GRIK2: variants seen among roughly 807,000 people sequenced by gnomAD.
GRIK2 encodes glutamate receptor ionotropic, kainate 2.
GRIK2 carries 32 observed loss-of-function variants against 100.3 expected under a neutral mutation model. That is an observed-to-expected ratio of 0.32 (90% confidence interval 0.24 to 0.43). The LOEUF (loss-of-function observed/expected upper bound fraction) is 0.43. Among genes scored for constraint, GRIK2 ranks in the 20% least tolerant of loss-of-function variants. The pLI is 1.00. For synonymous variants in GRIK2, 417 were observed against 389.4 expected (o/e 1.07, Z -0.83); for missense variants, 843 against 1,114.9 (o/e 0.76, Z 3.47).
At chr6:101,649,729 G>A (rs779773050) in intron 4 of GRIK2, among the ~76,000 whole-genome samples, 33 of 152,114 alleles carry the variant, frequency 2.2e-4, no homozygotes, top group Admixed American at 3.9e-4. Context: ...GGCACCAGCA[G>A]TGTTACTGTG....
chr6:101,541,442 C>T (rs1318211188), intron 2 of GRIK2, among the ~76,000 whole-genome samples: 4 of 141,420 alleles, frequency 2.8e-5, no homozygotes, highest in Non-Finnish European at 4.6e-5. Context: ...CACCCTTATA[C>T]AAACCCAACC....
chr6:101,544,167 C>T (rs985599023), intron 2 of GRIK2, among the ~76,000 whole-genome samples: 1 of 152,098 alleles, frequency 6.6e-6, no homozygotes, highest in Non-Finnish European at 1.5e-5. Flanking sequence ...ATATCCCCTC[C>T]ATCCCCTTTT....
At chr6:101,662,165 T>C (rs1769674692) in intron 4 of GRIK2, among the ~76,000 whole-genome samples, 1 of 152,230 alleles carries the variant, frequency 6.6e-6, no homozygotes, top group Admixed American at 6.5e-5. Flanking sequence ...TCTAGAAATT[T>C]GGAATTGTGA....
intron 14 of GRIK2, 144 bp from the exon 15 acceptor site, chr6:102,035,197 A>ATG: frequency 5.0e-6 from 1 of 200,582 alleles, no homozygotes; most frequent in East Asian, 1.1e-4. Context: ...TTTTTGGTAT[A>ATG]TATATATATA....
At chr6:101,754,052 A>G (rs1349095387) in intron 7 of GRIK2, among the ~76,000 whole-genome samples, 5 of 152,086 alleles carry the variant, frequency 3.3e-5, no homozygotes, top group Admixed American at 3.3e-4. Flanking sequence ...GGAAGAAAAT[A>G]TCCAATTAAT....
chr6:101,447,736 A>C (rs1770459234), intron 2 of GRIK2, among the ~76,000 whole-genome samples: 1 of 151,582 alleles, frequency 6.6e-6, no homozygotes, highest in Non-Finnish European at 1.5e-5. Context: ...AAAGTCCATT[A>C]TTTTTTGGGG....
In GRIK2 at chr6:101,593,351, T is replaced by A. The variant is rs542182319; in HGVS notation, c.116-28598T>A. Among the ~76,000 whole-genome samples, 3 of 152,058 alleles carry A rather than the reference T, an allele frequency of 2.0e-5. No homozygotes were observed. The South Asian group carries it at 6.2e-4, about 32-fold the overall frequency. ...ACTATTTGTTTCATATATTCTGATC[T>A]TTAATAATTTGCTGTCGTGTAATGA... On this transcript the variant is annotated intron_variant, in intron 2 of 16. Coordinates refer to ENST00000369134, the MANE Select transcript of GRIK2 (RefSeq NM_021956.5).
At chr6:101,963,610 C>T (rs1792470261) in intron 14 of GRIK2, among the ~76,000 whole-genome samples, 1 of 150,290 alleles carries the variant, frequency 6.7e-6, no homozygotes. Context: ...CCTCGCCCTC[C>T]CAAAGTGCTG....
At chr6:101,879,270 A>C (rs1028510262) in intron 11 of GRIK2, among the ~76,000 whole-genome samples, 1 of 152,054 alleles carries the variant, frequency 6.6e-6, no homozygotes, top group African/African-American at 2.4e-5. Flanking sequence ...CTAATGCTTA[A>C]CCTATTTCCC....
At chr6:101,513,772 T>A (rs888374575) in intron 2 of GRIK2, among the ~76,000 whole-genome samples, 2 of 152,136 alleles carry the variant, frequency 1.3e-5, no homozygotes, top group African/African-American at 4.8e-5. Context: ...GTGAGAGAAA[T>A]GTTTATCCTT....
chr6:101,764,950 T>C (rs1777951287), intron 7 of GRIK2, among the ~76,000 whole-genome samples: 1 of 152,092 alleles, frequency 6.6e-6, no homozygotes, highest in South Asian at 2.1e-4. Flanking sequence ...ACTTATTACC[T>C]TCTCCAGCCT....
chr6:101,635,739 CAT>C (rs1209574188), intron 4 of GRIK2, among the ~76,000 whole-genome samples: 10 of 152,190 alleles, frequency 6.6e-5, no homozygotes, highest in South Asian at 2.1e-4. Context: ...GGCCAACAAA[CAT>C]ATGAAAAAAA....
chr6:101,719,078 A>C (rs1394858325), intron 7 of GRIK2, among the ~76,000 whole-genome samples: 1 of 150,418 alleles, frequency 6.6e-6, no homozygotes, highest in East Asian at 2.0e-4. Flanking sequence ...TGATGTTTTA[A>C]ATTTGAATAT....
chr6:101,860,892 T>C, intron 11 of GRIK2: 1 of 825,990 alleles, frequency 1.2e-6, no homozygotes, highest in South Asian at 5.5e-5. Context: ...TTCTCAGATA[T>C]TAGGAGAAAG....
chr6:102,005,949 C>T (rs1185934953), intron 14 of GRIK2, among the ~76,000 whole-genome samples: 1 of 151,870 alleles, frequency 6.6e-6, no homozygotes, highest in Non-Finnish European at 1.5e-5. Context: ...CACACGTGTC[C>T]CTAGTGTCTC....
In GRIK2 at chr6:101,896,997, AACACACACACACACACAC is replaced by A. The variant is rs10588904; in HGVS notation, c.1748+7152_1748+7169del. Among the ~76,000 whole-genome samples the A allele has an allele frequency of 8.0e-3, 1,184 of 147,810 alleles. 22 individuals are homozygous for A. Among genetic ancestry groups the A allele is most frequent in the African/African-American group, 0.028 (1,120 of 40,286 alleles). ...CTTTATGGAACATGTCATTGTATTT[AACACACACACACACACAC>A]ACACACACACACACACAGACACATA... is the stretch of plus-strand genomic sequence containing the variant. On this transcript the variant is annotated intron_variant, in intron 12 of 16. Coordinates refer to ENST00000369134, the MANE Select transcript of GRIK2 (RefSeq NM_021956.5).
chr6:101,706,268 G>A (rs1405550629), intron 7 of GRIK2, among the ~76,000 whole-genome samples: 1 of 151,786 alleles, frequency 6.6e-6, no homozygotes, highest in Non-Finnish European at 1.5e-5. Flanking sequence ...ATATGCTAGA[G>A]AATATTAACC....
At chr6:101,535,493 T>C (rs779167598) in intron 2 of GRIK2, among the ~76,000 whole-genome samples, 4 of 151,776 alleles carry the variant, frequency 2.6e-5, no homozygotes, top group Admixed American at 1.3e-4. Flanking sequence ...GTTGGCTTTG[T>C]TTGGGAAATC....
chr6:101,876,166 T>C (rs1785824822), intron 11 of GRIK2, among the ~76,000 whole-genome samples: 1 of 151,782 alleles, frequency 6.6e-6, no homozygotes, highest in African/African-American at 2.4e-5. Flanking sequence ...ATTATGTAAA[T>C]AGTAAAATTA....
Sources: gnomAD v4.1 joint callset for allele counts (sites outside exome capture counted in the v4.1 genomes callset) on GRCh38, gnomAD v4.1.1 for gene constraint, MANE v1.5 for transcripts, NCBI Gene and HGNC (gene_info 2026-07-23, HGNC 2026-07-21) for gene names.